SHANK2: variants seen among roughly 807,000 people sequenced by gnomAD.
SHANK2 encodes the protein SH3 and multiple ankyrin repeat domains protein 2.
SHANK2 carries 43 observed loss-of-function variants against 133.7 expected under a neutral mutation model. The observed-to-expected ratio is 0.32, with a 90% CI of 0.25 to 0.41. SHANK2 has a LOEUF of 0.41. Ranked by LOEUF, SHANK2 falls within the 10% of genes least tolerant of loss-of-function variation. SHANK2 has a pLI of 1.00. For missense variants in SHANK2, 1,994 were observed against 2,235.8 expected (o/e 0.89, Z 2.18); for synonymous variants, 1,017 against 952.8 (o/e 1.07, Z -1.24).
At position 70,485,151 on chromosome 11, in the gene SHANK2, G is replaced by T. The variant is rs1364422755; in HGVS notation, c.4979+163C>A. 1.3e-5 allele frequency among the ~76,000 whole-genome samples: 2 copies of T among 152,178 alleles called. No homozygotes were observed. ...ATTACTCGGCTATCCCGGAGTCCAG[G>T]AGCATGAGAAAAAGAAGTGTTACTG... On this transcript the variant is annotated intron_variant, in intron 25 of 25. Coordinates refer to ENST00000601538, the MANE Select transcript of SHANK2 (RefSeq NM_012309.5). This position sits in a 1 kb window ranked among gnomAD's most constrained non-coding sequence, Gnocchi z 5.8.
At chr11:71,116,768 G>T (rs1232364514) in intron 4 of SHANK2, among the ~76,000 whole-genome samples, 1 of 152,176 alleles carries the variant, frequency 6.6e-6, no homozygotes, top group Non-Finnish European at 1.5e-5. Context: ...CTCCTGAATG[G>T]CCTGGAGCCC....
At chr11:71,171,309 T>A (rs1372186797) in intron 2 of SHANK2, among the ~76,000 whole-genome samples, 4 of 152,050 alleles carry the variant, frequency 2.6e-5, no homozygotes, top group African/African-American at 9.7e-5. Context: ...AGAGCGAGAC[T>A]CAATCCAGGT....
chr11:70,539,483 A>AGCTCACTTGCCACGCTCACCAC (rs1565111099), intron 17 of SHANK2, among the ~76,000 whole-genome samples: 5 of 147,152 alleles, frequency 3.4e-5, no homozygotes, highest in African/African-American at 1.2e-4. Context: ...GCACACAGAA[A>AGCTCACTTGCCACGCTCACCAC]GCTCACTCGC....
chr11:70,910,293 G>A (rs1168705578), intron 10 of SHANK2, among the ~76,000 whole-genome samples: 2 of 152,096 alleles, frequency 1.3e-5, no homozygotes, highest in Non-Finnish European at 2.9e-5. Context: ...CCTTCCTCAG[G>A]GACACCTAGG....
intron 3 of SHANK2, among the ~76,000 whole-genome samples, chr11:71,145,782 G>A (rs1226199410): frequency 4.4e-5 from 6 of 137,436 alleles, no homozygotes; most frequent in African/African-American, 1.7e-4. Flanking sequence ...CTTCCCCATC[G>A]TGGCTGGGGC....
chr11:71,161,699 T>C (rs575409863), intron 2 of SHANK2, among the ~76,000 whole-genome samples: 6 of 152,364 alleles, frequency 3.9e-5, no homozygotes, highest in Middle Eastern at 6.8e-3. Context: ...CTTTTTGGAC[T>C]GAACCAATGT....
At chr11:70,587,367 C>T (rs556212598) in intron 17 of SHANK2, among the ~76,000 whole-genome samples, 1 of 152,240 alleles carries the variant, frequency 6.6e-6, no homozygotes, top group Admixed American at 6.5e-5. Flanking sequence ...GCGGGGAGAG[C>T]GATCTGGAGA....
chr11:71,156,522 T>C (rs1952909333), intron 2 of SHANK2, among the ~76,000 whole-genome samples: 1 of 152,160 alleles, frequency 6.6e-6, no homozygotes. Flanking sequence ...CAACTGCCTA[T>C]GGTACACAAG....
intron 17 of SHANK2, among the ~76,000 whole-genome samples, chr11:70,610,762 C>A (rs1426263581): frequency 6.6e-6 from 1 of 152,222 alleles, no homozygotes; most frequent in African/African-American, 2.4e-5. Context: ...AAACCAGGCA[C>A]CCCTGCCGGC....
chr11:70,817,082 G>A (rs1948415395), intron 12 of SHANK2, among the ~76,000 whole-genome samples: 1 of 152,214 alleles, frequency 6.6e-6, no homozygotes, highest in African/African-American at 2.4e-5. Context: ...CACAACAGTG[G>A]CACCTGCATG....
At chr11:71,115,627 C>T (rs1449383511) in intron 4 of SHANK2, among the ~76,000 whole-genome samples, 4 of 152,134 alleles carry the variant, frequency 2.6e-5, no homozygotes, top group East Asian at 3.9e-4. Flanking sequence ...CGACCACTCC[C>T]GGACATCACT....
Position 70,485,481 on chromosome 11 carries a change from C to A in SHANK2, c.4812G>T (p.Leu1604Phe). The A allele has an allele frequency of 6.2e-7, 1 of 1,613,872 alleles. No homozygotes were observed. The highest frequency in any genetic ancestry group is 8.5e-7 in the Non-Finnish European group (1 of 1,180,026). ...AKVLQPRTSK[L>F]WGDVTEIKSP... The stretch of plus-strand genomic sequence containing the variant: ...TTTTGATCTCTGTGACGTCGCCCCA[C>A]AACTTGGAGGTCCTTGGCTGGAGAA... Residue 1604 changes from leucine (L) to phenylalanine (F), a missense_variant, in exon 25 of 26, where the codon TTG becomes TTT. Leu to Phe is a conservative substitution (Grantham distance 22). Transcript: ENST00000601538. The surrounding 1 kb of genome is among the most constrained non-coding windows in gnomAD (Gnocchi z 5.8).
intron 3 of SHANK2, among the ~76,000 whole-genome samples, chr11:71,138,803 A>G (rs550140956): frequency 1.4e-4 from 18 of 126,340 alleles, no homozygotes; most frequent in Non-Finnish European, 2.3e-4. Context: ...AAAAAAAAAA[A>G]AAAAGAAAAG....
intron 17 of SHANK2, among the ~76,000 whole-genome samples, chr11:70,616,180 G>A (rs1252361258): frequency 6.6e-6 from 1 of 152,194 alleles, no homozygotes; most frequent in Non-Finnish European, 1.5e-5. Context: ...TTCAATATTT[G>A]CTAGTTTGAC....
chr11:71,183,453 C>A (rs1185344907), intron 2 of SHANK2, among the ~76,000 whole-genome samples: 1 of 152,122 alleles, frequency 6.6e-6, no homozygotes, highest in Non-Finnish European at 1.5e-5. Context: ...TGCTTTAGAA[C>A]GGTGTCAGTG....
intron 17 of SHANK2, among the ~76,000 whole-genome samples, chr11:70,542,147 G>A (rs371626240): frequency 6.6e-6 from 1 of 152,214 alleles, no homozygotes; most frequent in African/African-American, 2.4e-5. Flanking sequence ...GGTGGCCCTC[G>A]AAAGATATGT....
intron 17 of SHANK2, among the ~76,000 whole-genome samples, chr11:70,519,309 T>A (rs1262272082): frequency 1.3e-5 from 2 of 152,208 alleles, no homozygotes; most frequent in Non-Finnish European, 2.9e-5. Context: ...TCGCCTTTCA[T>A]CAGTTTTCAT....
chr11:71,213,850 GC>G (rs1954340683), intron 2 of SHANK2, among the ~76,000 whole-genome samples: 2 of 152,124 alleles, frequency 1.3e-5, no homozygotes, highest in African/African-American at 4.8e-5. Flanking sequence ...GGGGAGCCTC[GC>G]AGACACTGGG....
At chr11:70,499,419 G>A (rs2059018219) in intron 21 of SHANK2, among the ~76,000 whole-genome samples, 1 of 152,214 alleles carries the variant, frequency 6.6e-6, no homozygotes. Flanking sequence ...ATGGGGCCAG[G>A]TCCCAGCAGG....
Sources: allele counts gnomAD v4.1 joint callset (sites outside exome capture counted in the v4.1 genomes callset), GRCh38; gene constraint gnomAD v4.1.1; non-coding constraint Gnocchi (gnomAD v3.1); transcripts MANE v1.5; gene names NCBI Gene and HGNC (gene_info 2026-07-23, HGNC 2026-07-21).